Variants in FARP1 observed in about 807,000 individuals in gnomAD.
The protein encoded by FARP1 is FERM, ARHGEF and pleckstrin domain-containing protein 1.
FARP1 carries 52 observed loss-of-function variants against 128.8 expected under a neutral mutation model. That is an observed-to-expected ratio of 0.40 (90% CI 0.32 to 0.51). The LOEUF (loss-of-function observed/expected upper bound fraction) is 0.51. Ranked by LOEUF, FARP1 falls within the 20% of genes least tolerant of loss-of-function variation. FARP1 has a pLI of 0.45. For synonymous variants in FARP1, 580 were observed against 551.8 expected, an observed-to-expected ratio of 1.05 and a Z score of -0.72; for missense variants, 1,333 against 1,367.9, an observed-to-expected ratio of 0.97 and a Z score of 0.40.
intron 1 of FARP1, among the ~76,000 whole-genome samples, chr13:98,198,436 T>C (rs927493330): frequency 3.3e-5 from 5 of 152,170 alleles, no homozygotes; most frequent in Non-Finnish European, 2.9e-5. Flanking sequence ...GCTAGCAAGC[T>C]ACAAAATTCA....
intron 2 of FARP1, among the ~76,000 whole-genome samples, chr13:98,230,724 C>T (rs756763620): frequency 1.3e-5 from 2 of 152,052 alleles, no homozygotes; most frequent in African/African-American, 4.8e-5. Context: ...ATGGGCATAA[C>T]GAGTCTCAAA....
chr13:98,218,919 A>G (rs1370123975), intron 2 of FARP1, among the ~76,000 whole-genome samples: 1 of 152,246 alleles, frequency 6.6e-6, no homozygotes, highest in African/African-American at 2.4e-5. Context: ...GTATGTCATA[A>G]AAGACCACGT....
At chr13:98,319,629 T>G (rs182677975) in intron 2 of FARP1, among the ~76,000 whole-genome samples, 222 of 152,300 alleles carry the variant, frequency 1.5e-3, no homozygotes, top group Non-Finnish European at 2.5e-3. Flanking sequence ...CAGAAAAGAA[T>G]GAGTTCACAG....
At chr13:98,295,247 T>C (rs908925631) in intron 2 of FARP1, among the ~76,000 whole-genome samples, 2 of 152,132 alleles carry the variant, frequency 1.3e-5, no homozygotes, top group South Asian at 4.1e-4. Context: ...TGAAGTGATA[T>C]TAAATTTTAG....
chr13:98,334,499 T>G (rs1303063924), intron 2 of FARP1: 1 of 152,222 alleles, frequency 6.6e-6, no homozygotes, highest in Non-Finnish European at 1.5e-5. Context: ...CCAGGCCTTT[T>G]GCTAGGTACT....
chr13:98,239,443 G>GATGT (rs1304011746), intron 2 of FARP1, among the ~76,000 whole-genome samples: 1 of 152,186 alleles, frequency 6.6e-6, no homozygotes, highest in Admixed American at 6.5e-5. Flanking sequence ...CGTTGACAAA[G>GATGT]ATGTTGTTTA....
chr13:98,448,413 A>AAAATC lies in FARP1; in HGVS notation c.*100_*104dup. Reference sequence around the variant, plus strand: ...GCCTGGTAAAATTAACACCTGTCTGAAAATCAAAAACATGGCTTCCCAGCA... The same window carrying AAAATC: ...GCCTGGTAAAATTAACACCTGTCTGAAAATCAAATCAAAAACATGGCTTCCCAGCA... On this transcript the variant is annotated 3_prime_UTR_variant, in exon 27 of 27. Transcript: ENST00000319562. 1 of 1,017,374 alleles carries AAAATC rather than the reference A, an allele frequency of 9.8e-7. No homozygotes were observed. The highest frequency in any genetic ancestry group is 1.5e-6 in the Non-Finnish European group (1 of 648,490). 63.0% of individuals were successfully genotyped at this position (1,017,374 alleles called of 1,614,324 possible). A position where few individuals can be genotyped will look rare whatever the true frequency, so the allele number is the denominator to read the frequency against.
At position 98,245,442 on chromosome 13, in the gene FARP1, A is replaced by G. The variant is rs1883001806; in HGVS notation, c.171+32029A>G. 3 of 555,066 alleles carry G rather than the reference A, an allele frequency of 5.4e-6. No individual in the cohort carries two copies. In the South Asian group the frequency reaches 2.4e-4, roughly 44 times the overall value. 34.4% of individuals were successfully genotyped at this position (555,066 alleles called of 1,614,324 possible). On this transcript the variant is annotated intron_variant, in intron 2 of 26. Transcript: ENST00000319562. ...GACAAAATCATACACTGCAGCAACT[A>G]AGTAATACGAAGTGAGTACTTTAAT... is the stretch of plus-strand genomic sequence containing the variant.
chr13:98,148,033 A>C (rs1465337590), intron 1 of FARP1, among the ~76,000 whole-genome samples: 1 of 152,134 alleles, frequency 6.6e-6, no homozygotes, highest in Non-Finnish European at 1.5e-5. Context: ...CTAATTTAGC[A>C]ATTGAATCCT....
At chr13:98,213,839 C>T (rs1880891688) in intron 2 of FARP1, among the ~76,000 whole-genome samples, 1 of 152,066 alleles carries the variant, frequency 6.6e-6, no homozygotes, top group African/African-American at 2.4e-5. Flanking sequence ...GGCTGTCGAA[C>T]TCAAGTCCCG....
chr13:98,287,909 C>G (rs1454599118), intron 2 of FARP1, among the ~76,000 whole-genome samples: 2 of 150,002 alleles, frequency 1.3e-5, no homozygotes, highest in Non-Finnish European at 2.9e-5. Context: ...TCAAGCGATT[C>G]TTCTGCCTCA....
At chr13:98,236,354 G>A (rs1338147118) in intron 2 of FARP1, among the ~76,000 whole-genome samples, 1 of 152,066 alleles carries the variant, frequency 6.6e-6, no homozygotes, top group Non-Finnish European at 1.5e-5. Flanking sequence ...ACCATGTAAG[G>A]CCATAAATCT....
At chr13:98,238,738 G>A (rs767077419) in intron 2 of FARP1, among the ~76,000 whole-genome samples, 1 of 152,178 alleles carries the variant, frequency 6.6e-6, no homozygotes, top group Non-Finnish European at 1.5e-5. Context: ...CATGTGGGAA[G>A]TATGGGAACT....
chr13:98,254,971 AT>A (rs1203681881), intron 2 of FARP1, among the ~76,000 whole-genome samples: 1 of 151,106 alleles, frequency 6.6e-6, no homozygotes, highest in Admixed American at 6.6e-5. Context: ...GTTATTTTGC[AT>A]TGAAAAACAA....
chr13:98,252,368 C>G (rs1883377523), intron 2 of FARP1, among the ~76,000 whole-genome samples: 1 of 152,178 alleles, frequency 6.6e-6, no homozygotes, highest in South Asian at 2.1e-4. Flanking sequence ...TGGCTCTTGT[C>G]AGGTTCACAT....
intron 11 of FARP1, among the ~76,000 whole-genome samples, chr13:98,392,346 A>G (rs976618113): frequency 1.3e-5 from 2 of 150,080 alleles, no homozygotes; most frequent in African/African-American, 5.0e-5. Flanking sequence ...AAAAAAAAAA[A>G]AAAATTAGCT....
chr13:98,214,699 C>T (rs1880956768), intron 2 of FARP1, among the ~76,000 whole-genome samples: 1 of 152,222 alleles, frequency 6.6e-6, no homozygotes. Flanking sequence ...TTATTGCGCA[C>T]TGCAAACAAC....
chr13:98,197,202 C>A (rs138857318), intron 1 of FARP1, among the ~76,000 whole-genome samples: 13 of 152,296 alleles, frequency 8.5e-5, no homozygotes, highest in African/African-American at 3.1e-4. Context: ...CGTGGTGGCT[C>A]ACGCCTGTGA....
At chr13:98,395,132 G>A in intron 12 of FARP1, 95 bp from the exon 13 acceptor site, 2 of 1,447,780 alleles carry the variant, frequency 1.4e-6, no homozygotes, top group South Asian at 2.9e-5. Context: ...GAGGCCTCGG[G>A]TGTTCTTGCC....
Sources: gnomAD v4.1 joint callset for allele counts (sites outside exome capture counted in the v4.1 genomes callset) on GRCh38, gnomAD v4.1.1 for gene constraint, MANE v1.5 for transcripts, NCBI Gene and HGNC (gene_info 2026-07-23, HGNC 2026-07-21) for gene names.